Variants in CA10 observed in about 807,000 individuals in gnomAD.
CA10 encodes the protein carbonic anhydrase 10 (inactive).
In CA10, 14 loss-of-function variants were observed where a neutral mutation model predicts 44.2. That is an observed-to-expected ratio of 0.32 (90% CI 0.21 to 0.50). The LOEUF is 0.50. Ranked by LOEUF, CA10 falls within the 20% of genes least tolerant of loss-of-function variation. CA10 has a pLI of 0.99. For missense variants in CA10, 350 were observed against 409.7 expected (o/e 0.85, Z 1.26); for synonymous variants, 159 against 141.6 (o/e 1.12, Z -0.87).
intron 1 of CA10, among the ~76,000 whole-genome samples, chr17:52,104,190 T>C (rs1251072141): frequency 4.7e-5 from 3 of 63,658 alleles, no homozygotes; most frequent in East Asian, 3.1e-4. Flanking sequence ...CCTCCTGCCT[T>C]TTTTTTTTTT....
intron 6 of CA10, among the ~76,000 whole-genome samples, chr17:51,637,080 A>G (rs549417212): frequency 5.3e-5 from 8 of 152,208 alleles, no homozygotes; most frequent in African/African-American, 1.9e-4. Flanking sequence ...GTTTTAAAAT[A>G]TCAGTTAATT....
intron 3 of CA10, among the ~76,000 whole-genome samples, chr17:51,751,804 G>A (rs143904727): frequency 1.3e-5 from 2 of 152,306 alleles, no homozygotes; most frequent in African/African-American, 4.8e-5. Flanking sequence ...ATACACCAAT[G>A]TGCCTTCTAG....
intron 1 of CA10, among the ~76,000 whole-genome samples, chr17:52,143,150 A>C (rs1989516842): frequency 6.6e-6 from 1 of 152,160 alleles, no homozygotes; most frequent in Non-Finnish European, 1.5e-5. Flanking sequence ...ATACAATCCC[A>C]GTGCACTGCT....
intron 3 of CA10, among the ~76,000 whole-genome samples, chr17:51,754,404 T>G (rs1423170275): frequency 4.4e-3 from 44 of 9,990 alleles, no homozygotes; most frequent in African/African-American, 8.1e-3. Context: ...GTGTGTGATA[T>G]ATATATATAT....
Position 51,635,851 on chromosome 17 carries a change from T to C in CA10, c.789+4A>G. 1 of 1,563,164 alleles carries C rather than the reference T, an allele frequency of 6.4e-7. No individual in the cohort carries two copies. Among genetic ancestry groups the C allele is most frequent in the Non-Finnish European group, 8.7e-7 (1 of 1,152,540 alleles). ...ATTAGCTAAATGACCAGAGAGAAAC[T>C]CACCTGCATCCTGGTTATATAGACA... On this transcript the variant is annotated splice_donor_region_variant and intron_variant, in intron 7 of 8. Coordinates refer to ENST00000451037, the MANE Select transcript of CA10 (RefSeq NM_020178.5).
intron 4 of CA10, among the ~76,000 whole-genome samples, chr17:51,656,326 G>T (rs1163109256): frequency 1.3e-5 from 2 of 152,208 alleles, no homozygotes; most frequent in African/African-American, 4.8e-5. Context: ...CTCAGGGTGG[G>T]GTTCTTTTGG....
chr17:52,073,473 T>C (rs1987739477), intron 1 of CA10, among the ~76,000 whole-genome samples: 1 of 152,224 alleles, frequency 6.6e-6, no homozygotes, highest in Non-Finnish European at 1.5e-5. Context: ...GGCTTGTATC[T>C]TTGTGGTTGA....
At chr17:51,999,930 C>T (rs1289733478) in intron 2 of CA10, among the ~76,000 whole-genome samples, 2 of 151,998 alleles carry the variant, frequency 1.3e-5, no homozygotes, top group African/African-American at 2.4e-5. Flanking sequence ...GTCTGCTTCT[C>T]GGATCAAACT....
chr17:51,924,278 GTTTT>G (rs1822116197), intron 3 of CA10, among the ~76,000 whole-genome samples: 1 of 151,342 alleles, frequency 6.6e-6, no homozygotes, highest in Non-Finnish European at 1.5e-5. Flanking sequence ...CACTTTGTTT[GTTTT>G]GTTTGTTTGT....
intron 3 of CA10, among the ~76,000 whole-genome samples, chr17:51,820,242 C>A (rs76691663): frequency 0.053 from 6,874 of 128,696 alleles, 227 homozygotes; most frequent in Non-Finnish European, 0.075. Flanking sequence ...ATGTTGTTTG[C>A]ACCTACACAA....
At chr17:52,143,339 A>C (rs544547392) in intron 1 of CA10, among the ~76,000 whole-genome samples, 12 of 152,184 alleles carry the variant, frequency 7.9e-5, no homozygotes, top group Non-Finnish European at 1.6e-4. Context: ...AAATAAGTAA[A>C]AAATGCTTAT....
chr17:51,856,552 A>G (rs1979053468), intron 3 of CA10, among the ~76,000 whole-genome samples: 1 of 152,200 alleles, frequency 6.6e-6, no homozygotes, highest in South Asian at 2.1e-4. Flanking sequence ...GAGCAGTGAC[A>G]GGAGTAGCAT....
intron 1 of CA10, among the ~76,000 whole-genome samples, chr17:52,147,619 G>A (rs568273126): frequency 5.9e-5 from 9 of 151,892 alleles, no homozygotes; most frequent in African/African-American, 1.9e-4. Context: ...TAGAAAAACA[G>A]GAATGAAACT....
At chr17:51,926,705 C>T (rs1258102628) in intron 3 of CA10, among the ~76,000 whole-genome samples, 1 of 152,180 alleles carries the variant, frequency 6.6e-6, no homozygotes, top group African/African-American at 2.4e-5. Context: ...TCGGACTCTC[C>T]TGCTTCTGTC....
At chr17:52,142,988 CA>C (rs1989514188) in intron 1 of CA10, among the ~76,000 whole-genome samples, 1 of 152,184 alleles carries the variant, frequency 6.6e-6, no homozygotes, top group South Asian at 2.1e-4. Context: ...CTTTTAACAT[CA>C]TTTCTAAATT....
chr17:51,828,586 T>C (rs1369202966), intron 3 of CA10, among the ~76,000 whole-genome samples: 1 of 152,140 alleles, frequency 6.6e-6, no homozygotes, highest in Non-Finnish European at 1.5e-5. Context: ...AAATAAGGCA[T>C]CCCAAACTTT....
chr17:51,659,323 CA>C (rs1567792398), intron 4 of CA10, among the ~76,000 whole-genome samples: 1 of 152,130 alleles, frequency 6.6e-6, no homozygotes, highest in African/African-American at 2.4e-5. Flanking sequence ...CACTAGCGAC[CA>C]CCTCTCTCCC....
At chr17:51,757,189 C>T (rs1041893003) in intron 3 of CA10, among the ~76,000 whole-genome samples, 3 of 152,086 alleles carry the variant, frequency 2.0e-5, no homozygotes, top group African/African-American at 7.2e-5. Context: ...CAAAGTAGCT[C>T]AAGAGATCAA....
intron 2 of CA10, among the ~76,000 whole-genome samples, chr17:52,030,514 T>C (rs746535351): frequency 5.3e-5 from 8 of 152,180 alleles, no homozygotes; most frequent in Admixed American, 1.3e-4. Flanking sequence ...TTTCCATCTC[T>C]GCTCTAAATA....
Sources: gnomAD v4.1 joint callset for allele counts (sites outside exome capture counted in the v4.1 genomes callset) on GRCh38, gnomAD v4.1.1 for gene constraint, MANE v1.5 for transcripts, NCBI Gene and HGNC (gene_info 2026-07-23, HGNC 2026-07-21) for gene names.